The following FRMPD4 variants were observed in gnomAD, a reference collection of about 807,000 sequenced individuals.
FRMPD4 encodes the protein FERM and PDZ domain-containing protein 4.
Under a neutral mutation model 94.1 loss-of-function variants are expected in FRMPD4, and 22 were observed. That is an observed-to-expected ratio of 0.23 (90% CI 0.17 to 0.33). The LOEUF (loss-of-function observed/expected upper bound fraction) is 0.33, where lower values mean the gene tolerates loss of function less well. Ranked by LOEUF, FRMPD4 falls within the 10% of genes least tolerant of loss-of-function variation. The pLI, the probability that FRMPD4 is intolerant of heterozygous loss-of-function variation, is 1.00. For synonymous variants in FRMPD4, 631 were observed against 548.6 expected (o/e 1.15, Z -2.10); for missense variants, 1,111 against 1,339.9 (o/e 0.83, Z 2.67).
chrX:12,470,485 A>T (rs1464103508), intron 1 of FRMPD4, among the ~76,000 whole-genome samples: 2 of 112,029 alleles, frequency 1.8e-5, no homozygotes, highest in African/African-American at 6.5e-5. Context: ...TTCACTAACG[A>T]ACATTGCTGA....
At chrX:12,151,781 G>A (rs1179491591) in intron 1 of FRMPD4, among the ~76,000 whole-genome samples, 1 of 111,386 alleles carries the variant, frequency 9.0e-6, no homozygotes, top group East Asian at 2.8e-4. Flanking sequence ...CATGTACCAC[G>A]ATTTACTTAA....
Position 12,686,148 on chromosome X carries a change from T to C in FRMPD4, c.625T>C (p.Tyr209His). 8.4e-7 allele frequency: 1 copy of C among 1,193,743 alleles called. No individual in the cohort carries two copies. Among genetic ancestry groups the C allele is most frequent in the Non-Finnish European group, 1.1e-6 (1 of 879,474 alleles). Residue 209 changes from tyrosine (Y) to histidine (H), a missense_variant, in exon 7 of 17, where the codon TAT (tyrosine) becomes CAT (histidine). Around this residue, in one of 8 missense-constraint regions of FRMPD4, gnomAD observed 37 missense variants for 101.0 expected, o/e 0.37. Transcript: ENST00000675598. ...TTTTATGCCAAATGTTTTGAAAGTC[T>C]ATCTGGAAAATGGGCAGACCAAATC... ...LLFMPNVLKV[Y>H]LENGQTKSFR...
intron 4 of FRMPD4, among the ~76,000 whole-genome samples, chrX:12,621,968 G>GAGAAAGAA (rs1171799513): frequency 0.016 from 657 of 41,035 alleles, 68 homozygotes; most frequent in African/African-American, 0.026. Flanking sequence ...AAGAAAGAAA[G>GAGAAAGAA]AGAAAGAAAG....
At chrX:11,974,179 C>T (rs2054355266) in intron 3 of FRMPD4, among the ~76,000 whole-genome samples, 1 of 111,198 alleles carries the variant, frequency 9.0e-6, no homozygotes, top group South Asian at 3.9e-4. Context: ...GAAATCTGAT[C>T]CCCAATATTG....
chrX:12,416,144 A>G (rs756075713), intron 1 of FRMPD4, among the ~76,000 whole-genome samples: 2 of 106,835 alleles, frequency 1.9e-5, no homozygotes, highest in Non-Finnish European at 3.9e-5. Flanking sequence ...CTCTTTCTCT[A>G]TTTTATGTTT....
intron 3 of FRMPD4, among the ~76,000 whole-genome samples, chrX:12,034,613 G>A (rs939970007): frequency 8.9e-6 from 1 of 111,830 alleles, no homozygotes; most frequent in African/African-American, 3.3e-5. Flanking sequence ...GAGTCGAGCA[G>A]GAACTATGAT....
intron 3 of FRMPD4, among the ~76,000 whole-genome samples, chrX:11,998,303 T>C (rs968506550): frequency 8.9e-6 from 1 of 112,008 alleles, no homozygotes; most frequent in African/African-American, 3.2e-5. Context: ...GATCTATATA[T>C]CCCTTTCATG....
At chrX:12,194,876 C>T (rs1005904177) in intron 1 of FRMPD4, among the ~76,000 whole-genome samples, 2 of 111,803 alleles carry the variant, frequency 1.8e-5, no homozygotes, top group Admixed American at 1.9e-4. Context: ...CTGGCTTTCC[C>T]CTTTAATCTA....
At chrX:12,497,404 T>C (rs2057863109) in intron 1 of FRMPD4, among the ~76,000 whole-genome samples, 1 of 109,646 alleles carries the variant, frequency 9.1e-6, no homozygotes, top group South Asian at 4.0e-4. Context: ...GGTTTTTTTG[T>C]TGTTGTTGTT....
chrX:12,622,003 A>AAGG, intron 4 of FRMPD4, among the ~76,000 whole-genome samples: 1 of 48,476 alleles, frequency 2.1e-5, no homozygotes, highest in African/African-American at 1.1e-4. Flanking sequence ...AGAAAGAAAG[A>AAGG]AAGAAAGAAA....
intron 3 of FRMPD4, among the ~76,000 whole-genome samples, chrX:11,950,810 C>A (rs1230457141): frequency 1.8e-5 from 2 of 110,867 alleles, no homozygotes; most frequent in African/African-American, 6.6e-5. Context: ...GTAATCCCAG[C>A]CCTTTGGGAG....
intron 1 of FRMPD4, among the ~76,000 whole-genome samples, chrX:12,361,187 A>G (rs2055984071): frequency 8.9e-6 from 1 of 112,352 alleles, no homozygotes; most frequent in African/African-American, 3.2e-5. Context: ...TTCTTGAACT[A>G]TGTCAGACTG....
chrX:12,015,580 G>A (rs781211883), intron 3 of FRMPD4, among the ~76,000 whole-genome samples: 1 of 111,873 alleles, frequency 8.9e-6, no homozygotes, highest in African/African-American at 3.2e-5. Context: ...ATTGTGTTTG[G>A]GGTGGAAATT....
At chrX:12,098,377 G>C (rs1488805628) in intron 3 of FRMPD4, among the ~76,000 whole-genome samples, 1 of 112,016 alleles carries the variant, frequency 8.9e-6, no homozygotes, top group Non-Finnish European at 1.9e-5. Flanking sequence ...AAAAAAACAT[G>C]TCAAGAAAGC....
intron 1 of FRMPD4, among the ~76,000 whole-genome samples, chrX:12,479,557 A>G (rs998319974): frequency 2.8e-5 from 3 of 106,202 alleles, no homozygotes; most frequent in Non-Finnish European, 5.8e-5. Flanking sequence ...GCTGGAGTGC[A>G]GTGGCACAAT....
intron 1 of FRMPD4, among the ~76,000 whole-genome samples, chrX:12,335,664 T>C (rs2055507591): frequency 9.0e-6 from 1 of 111,221 alleles, no homozygotes; most frequent in African/African-American, 3.3e-5. Flanking sequence ...AAACCTCTGT[T>C]TCCACCAGGA....
intron 1 of FRMPD4, among the ~76,000 whole-genome samples, chrX:11,823,688 T>C (rs1326956679): frequency 8.9e-6 from 1 of 111,887 alleles, no homozygotes; most frequent in Non-Finnish European, 1.9e-5. Context: ...AATAAATGAA[T>C]GTGGCTATAT....
intron 1 of FRMPD4, among the ~76,000 whole-genome samples, chrX:12,257,558 T>C (rs1367702205): frequency 9.0e-6 from 1 of 111,456 alleles, no homozygotes; most frequent in Non-Finnish European, 1.9e-5. Context: ...TATGAGAGTA[T>C]TGTGGTAAAC....
chrX:12,174,525 T>G (rs2056268845), intron 1 of FRMPD4, among the ~76,000 whole-genome samples: 1 of 111,956 alleles, frequency 8.9e-6, no homozygotes, highest in Non-Finnish European at 1.9e-5. Flanking sequence ...TATTTTCAAA[T>G]CATTCCTTGC....
Sources: gnomAD v4.1 joint callset for allele counts (sites outside exome capture counted in the v4.1 genomes callset) on GRCh38, gnomAD v4.1.1 for gene constraint, gnomAD v4.1.1 regional missense constraint, MANE v1.5 for transcripts, NCBI Gene and HGNC (gene_info 2026-07-23, HGNC 2026-07-21) for gene names.